Variants in TRPM3 observed in about 807,000 individuals in gnomAD.
TRPM3 encodes long transient receptor potential channel 3.
Under a neutral mutation model 181.2 loss-of-function variants are expected in TRPM3, and 77 were observed. That is an observed-to-expected ratio of 0.42 (90% confidence interval 0.35 to 0.51). The LOEUF (loss-of-function observed/expected upper bound fraction) is 0.51. Ranked by LOEUF, TRPM3 falls within the 20% of genes least tolerant of loss-of-function variation. The probability of loss-of-function intolerance (pLI) is 0.01; values close to 1 mark genes in which losing one functional copy is unlikely to be tolerated. For synonymous variants in TRPM3, 745 were observed against 796.4 expected (o/e 0.94, Z 1.09); for missense variants, 1,759 against 2,196.7 (o/e 0.80, Z 3.98).
intron 1 of TRPM3, among the ~76,000 whole-genome samples, chr9:71,363,640 A>T (rs1240974588): frequency 1.3e-5 from 2 of 152,166 alleles, no homozygotes; most frequent in African/African-American, 4.8e-5. Flanking sequence ...TGCTTTGTAA[A>T]ATCTCATTTT....
At chr9:70,681,386 T>C (rs2065396225) in intron 9 of TRPM3, 120 bp downstream of exon 9, 1 of 809,768 alleles carries the variant, frequency 1.2e-6, no homozygotes. Context: ...ACCCCTATGT[T>C]ATCAATAATT....
chr9:71,347,739 G>A (rs1020238703), intron 1 of TRPM3, among the ~76,000 whole-genome samples: 6 of 151,838 alleles, frequency 4.0e-5, no homozygotes, highest in African/African-American at 9.7e-5. Flanking sequence ...GTGAGGCCTC[G>A]TGTTTATTAA....
rs74389722 is a variant in TRPM3, at chr9:70,922,159, A to G, written c.178-57648T>C. Among the ~76,000 whole-genome samples, 1,061 of 152,310 alleles carry G rather than the reference A, an allele frequency of 7.0e-3. 14 individuals carry two copies. The highest frequency in any genetic ancestry group is 0.023 in the African/African-American group (964 of 41,548). ...TCATAGGAGACACATATCTGTGCATAGATTGAACAACCATTTTTCTGACAT... is the reference window on the plus strand; with the variant it reads ...TCATAGGAGACACATATCTGTGCATGGATTGAACAACCATTTTTCTGACAT... On this transcript the variant is annotated intron_variant, in intron 1 of 25. Coordinates refer to ENST00000677713, the MANE Select transcript of TRPM3 (RefSeq NM_001366145.2).
intron 1 of TRPM3, among the ~76,000 whole-genome samples, chr9:71,396,350 A>G (rs2093193438): frequency 6.6e-6 from 1 of 152,066 alleles, no homozygotes; most frequent in African/African-American, 2.4e-5. Context: ...GTTATGCGGC[A>G]GCAATGATTA....
chr9:70,985,853 G>A (rs1463531850), intron 1 of TRPM3, among the ~76,000 whole-genome samples: 1 of 152,160 alleles, frequency 6.6e-6, no homozygotes, highest in Non-Finnish European at 1.5e-5. Context: ...GGCACTGGGT[G>A]GAGTACACTC....
At chr9:70,842,502 A>T (rs909287843) in intron 5 of TRPM3, among the ~76,000 whole-genome samples, 1 of 152,124 alleles carries the variant, frequency 6.6e-6, no homozygotes, top group African/African-American at 2.4e-5. Flanking sequence ...TTTAAAAAAA[A>T]TTTTTGTGGC....
intron 1 of TRPM3, among the ~76,000 whole-genome samples, chr9:71,067,981 T>A (rs745781086): frequency 6.6e-6 from 1 of 152,190 alleles, no homozygotes; most frequent in Admixed American, 6.5e-5. Flanking sequence ...TGCAACACTT[T>A]GTTCATGATT....
chr9:71,183,541 ATATT>A (rs2077517692), intron 1 of TRPM3, among the ~76,000 whole-genome samples: 1 of 151,928 alleles, frequency 6.6e-6, no homozygotes. Context: ...GCACTGCATA[ATATT>A]TATTATTATA....
intron 3 of TRPM3, among the ~76,000 whole-genome samples, chr9:70,850,134 AT>A (rs949056387): frequency 2.6e-5 from 4 of 152,170 alleles, no homozygotes; most frequent in African/African-American, 9.7e-5. Flanking sequence ...AATGTTGACA[AT>A]TTTAGGTAAG....
intron 1 of TRPM3, among the ~76,000 whole-genome samples, chr9:71,253,070 A>G (rs1216823107): frequency 1.3e-5 from 2 of 151,830 alleles, no homozygotes; most frequent in South Asian, 2.1e-4. Context: ...AGAACCATGG[A>G]TTTACCTTTA....
chr9:71,351,670 T>C (rs2091632617), intron 1 of TRPM3, among the ~76,000 whole-genome samples: 1 of 152,198 alleles, frequency 6.6e-6, no homozygotes, highest in Admixed American at 6.5e-5. Context: ...GAAGGATATC[T>C]GCAGGAAGCT....
intron 1 of TRPM3, among the ~76,000 whole-genome samples, chr9:71,050,596 A>G (rs115561115): frequency 6.6e-6 from 1 of 152,276 alleles, no homozygotes; most frequent in African/African-American, 2.4e-5. Context: ...TAAAATCTTT[A>G]TATACTACTT....
chr9:71,007,057 A>G (rs1167424821), intron 1 of TRPM3, among the ~76,000 whole-genome samples: 2 of 140,770 alleles, frequency 1.4e-5, no homozygotes, highest in South Asian at 2.2e-4. Context: ...AAAAAAAAAA[A>G]AAAAAAGAAA....
At position 70,583,076 on chromosome 9, in the gene TRPM3, G is replaced by A. The variant is rs574325507; in HGVS notation, c.3223+7955C>T. ...CTTGGTACCCCCCACCCCAGGGAAC[G>A]GAAGGTTGCAGCACAGAATCCAGAA... On this transcript the variant is annotated intron_variant, in intron 22 of 25. Transcript: ENST00000677713. Among the ~76,000 whole-genome samples the A allele has an allele frequency of 4.1e-4, 63 of 152,282 alleles. 1 individual carries two copies. Among genetic ancestry groups the A allele is most frequent in the African/African-American group, 1.3e-3 (53 of 41,542 alleles).
At chr9:70,773,473 G>C (rs1261387291) in intron 7 of TRPM3, among the ~76,000 whole-genome samples, 1 of 152,054 alleles carries the variant, frequency 6.6e-6, no homozygotes, top group Non-Finnish European at 1.5e-5. Context: ...CTGGGGAGAG[G>C]GTCAGAGGTG....
intron 9 of TRPM3, among the ~76,000 whole-genome samples, chr9:70,669,087 A>G (rs1231018275): frequency 1.3e-5 from 2 of 152,250 alleles, no homozygotes; most frequent in Non-Finnish European, 2.9e-5. Flanking sequence ...GTCACAGAGC[A>G]CAAGGATGCC....
chr9:70,573,484 G>T (rs1026994954), intron 22 of TRPM3, among the ~76,000 whole-genome samples: 9 of 152,188 alleles, frequency 5.9e-5, no homozygotes, highest in Non-Finnish European at 8.8e-5. Context: ...TGTGGACAGA[G>T]AACAATGCTT....
rs529373466 is a variant in TRPM3, at chr9:70,877,292, G to A, written c.178-12781C>T. On this transcript the variant is annotated intron_variant, in intron 1 of 25. Coordinates refer to ENST00000677713, the MANE Select transcript of TRPM3 (RefSeq NM_001366145.2). ...GACTCAGCTCACTACCTCCAGCCAC[G>A]TCAACATTATTTTAGATCCTCAACT... 1.1e-4 allele frequency among the ~76,000 whole-genome samples: 16 copies of A among 151,950 alleles called. No individual in the cohort carries two copies. In the East Asian group the frequency reaches 1.7e-3, roughly 17 times the overall value.
At chr9:70,537,657 A>G (rs1228928633) in intron 25 of TRPM3, among the ~76,000 whole-genome samples, 2 of 152,212 alleles carry the variant, frequency 1.3e-5, no homozygotes, top group African/African-American at 2.4e-5. Context: ...TGTTTTAGCT[A>G]TCAATCCCCT....
Sources: allele counts gnomAD v4.1 joint callset (sites outside exome capture counted in the v4.1 genomes callset), GRCh38; gene constraint gnomAD v4.1.1; transcripts MANE v1.5; gene names NCBI Gene and HGNC (gene_info 2026-07-23, HGNC 2026-07-21).